LDAH: variants seen among roughly 807,000 people sequenced by gnomAD.
LDAH encodes the protein lipid droplet-associated hydrolase.
Under a neutral mutation model 29.6 loss-of-function variants are expected in LDAH, and 26 were observed. The ratio of observed to expected loss-of-function variants is 0.88; its 90% confidence interval spans 0.64 to 1.22. The LOEUF is 1.22. Among genes scored for constraint, LDAH ranks in the 50% most tolerant of loss-of-function variants. The probability of loss-of-function intolerance (pLI) is 0.00; values close to 1 mark genes in which losing one functional copy is unlikely to be tolerated. For missense variants in LDAH, 344 were observed against 387.3 expected, an observed-to-expected ratio of 0.89 and a Z score of 0.94; for synonymous variants, 117 against 133.0, an observed-to-expected ratio of 0.88 and a Z score of 0.83.
chr2:20,705,216 T>G (rs1368888253), intron 5 of LDAH, among the ~76,000 whole-genome samples: 1 of 152,256 alleles, frequency 6.6e-6, no homozygotes, highest in African/African-American at 2.4e-5. Flanking sequence ...CCCTCAAGTT[T>G]ATTATCTTCC....
chr2:20,772,963 G>C (rs1669536569), intron 4 of LDAH, among the ~76,000 whole-genome samples: 2 of 152,228 alleles, frequency 1.3e-5, no homozygotes, highest in African/African-American at 4.8e-5. Context: ...CCCTGAAGCA[G>C]AGAATCCAGC....
In LDAH at chr2:20,717,176, A is replaced by G. The variant is rs148010217; in HGVS notation, c.704-15524T>C. Among the ~76,000 whole-genome samples, 331 of 152,326 alleles carry G rather than the reference A, an allele frequency of 2.2e-3. 1 individual carries two copies. The highest frequency in any genetic ancestry group is 6.3e-3 in the African/African-American group (262 of 41,574). ...TTTCTAGAAGATAACATAGGAGAAT[A>G]TTTCATAACTTTGGGGTAGGAAAAG... On this transcript the variant is annotated intron_variant, in intron 5 of 6. Coordinates refer to ENST00000237822, the MANE Select transcript of LDAH (RefSeq NM_021925.4).
chr2:20,798,203 A>C (rs1671436061), intron 2 of LDAH, among the ~76,000 whole-genome samples: 1 of 152,196 alleles, frequency 6.6e-6, no homozygotes, highest in African/African-American at 2.4e-5. Flanking sequence ...ACTAGAAGAT[A>C]TGCTCTACCA....
chr2:20,752,981 A>G (rs1344280855), intron 4 of LDAH, among the ~76,000 whole-genome samples: 3 of 151,910 alleles, frequency 2.0e-5, no homozygotes, highest in South Asian at 2.1e-4. Flanking sequence ...CAACGACAAC[A>G]ACAACAACAA....
intron 3 of LDAH, chr2:20,789,364 C>T (rs1670784492): frequency 1.3e-6 from 2 of 1,501,558 alleles, no homozygotes; most frequent in Non-Finnish European, 1.8e-6. Flanking sequence ...AGTAGGTTTT[C>T]ATCAGACATC....
At chr2:20,778,573 C>T (rs566404662) in intron 3 of LDAH, among the ~76,000 whole-genome samples, 1 of 152,032 alleles carries the variant, frequency 6.6e-6, no homozygotes, top group South Asian at 2.1e-4. Flanking sequence ...ACTAATTGGC[C>T]CTTGGTATTA....
At chr2:20,773,782 G>A (rs1183622433) in intron 4 of LDAH, among the ~76,000 whole-genome samples, 2 of 152,176 alleles carry the variant, frequency 1.3e-5, no homozygotes, top group Non-Finnish European at 2.9e-5. Context: ...AGTGCTTAGT[G>A]AGCTCTGAGA....
intron 4 of LDAH, among the ~76,000 whole-genome samples, chr2:20,765,234 C>T (rs1668948475): frequency 6.6e-6 from 1 of 152,188 alleles, no homozygotes; most frequent in Non-Finnish European, 1.5e-5. Flanking sequence ...GGCTGTTCCT[C>T]TCAGCATATG....
intron 1 of LDAH, among the ~76,000 whole-genome samples, chr2:20,809,158 G>A (rs1258272987): frequency 2.0e-5 from 3 of 151,738 alleles, no homozygotes; most frequent in Non-Finnish European, 2.9e-5. Flanking sequence ...TTAGGAGGCC[G>A]AGGCAGGTGG....
At position 20,801,386 on chromosome 2, in the gene LDAH, T is replaced by C. The variant is rs1410347608; in HGVS notation, c.78A>G (p.Leu26=). ...AGAGGTCTGTCCAGGGCCCACATTT[T>C]AGAACCTGGGTTTCGGCTCCACCAC... is the stretch of plus-strand genomic sequence containing the variant. ...ILCGGAETQV[L]KCGPWTDLFH... is the part of the protein sequence containing the mutation. Residue 26 remains leucine, a synonymous_variant, in exon 2 of 7, where the codon CTA becomes CTG. Coordinates refer to ENST00000237822, the MANE Select transcript of LDAH (RefSeq NM_021925.4). The C allele has an allele frequency of 3.1e-6, 5 of 1,614,044 alleles. No homozygotes were observed. Among genetic ancestry groups the C allele is most frequent in the Non-Finnish European group, 4.2e-6 (5 of 1,180,014 alleles).
At chr2:20,738,864 T>C (rs898781015) in intron 5 of LDAH, among the ~76,000 whole-genome samples, 2 of 152,232 alleles carry the variant, frequency 1.3e-5, no homozygotes, top group African/African-American at 4.8e-5. Flanking sequence ...AGCTGCACAA[T>C]TGAACAGGCA....
At chr2:20,747,898 C>T (rs1271696715) in intron 4 of LDAH, among the ~76,000 whole-genome samples, 1 of 152,086 alleles carries the variant, frequency 6.6e-6, no homozygotes, top group Non-Finnish European at 1.5e-5. Flanking sequence ...CACAAAGTGA[C>T]AGAGATATGA....
At chr2:20,762,160 C>T (rs1029940583) in intron 4 of LDAH, among the ~76,000 whole-genome samples, 1 of 152,000 alleles carries the variant, frequency 6.6e-6, no homozygotes, top group African/African-American at 2.4e-5. Context: ...CATACTCTAC[C>T]TAACCTTGCC....
chr2:20,693,312 C>A (rs966994761), intron 6 of LDAH, among the ~76,000 whole-genome samples: 4 of 152,208 alleles, frequency 2.6e-5, no homozygotes, highest in Admixed American at 2.6e-4. Context: ...GAAAAAGAAT[C>A]CACATGACCT....
At chr2:20,728,487 C>T (rs1666170460) in intron 5 of LDAH, among the ~76,000 whole-genome samples, 1 of 152,084 alleles carries the variant, frequency 6.6e-6, no homozygotes, top group Admixed American at 6.5e-5. Context: ...GGAGTATAAA[C>T]TCTAGCAGAG....
intron 1 of LDAH, among the ~76,000 whole-genome samples, chr2:20,814,340 T>C (rs1169115061): frequency 1.3e-5 from 2 of 152,182 alleles, no homozygotes; most frequent in African/African-American, 4.8e-5. Context: ...CACTGAAAGT[T>C]ACCTGTTCTA....
chr2:20,810,483 T>C (rs1391378517), intron 1 of LDAH, among the ~76,000 whole-genome samples: 1 of 152,208 alleles, frequency 6.6e-6, no homozygotes, highest in Non-Finnish European at 1.5e-5. Context: ...GACTGTGACA[T>C]TTCTACTGAG....
At chr2:20,704,343 CTA>C (rs1452961766) in intron 5 of LDAH, among the ~76,000 whole-genome samples, 2 of 152,176 alleles carry the variant, frequency 1.3e-5, no homozygotes, top group Non-Finnish European at 2.9e-5. Flanking sequence ...CTATAAGACT[CTA>C]AGTCCCGGTT....
intron 5 of LDAH, among the ~76,000 whole-genome samples, chr2:20,725,988 C>T (rs962818605): frequency 6.6e-6 from 1 of 152,164 alleles, no homozygotes; most frequent in East Asian, 1.9e-4. Flanking sequence ...ACTGCCTATG[C>T]CTGGATTTCT....
Sources: allele counts gnomAD v4.1 joint callset (sites outside exome capture counted in the v4.1 genomes callset), GRCh38; gene constraint gnomAD v4.1.1; transcripts MANE v1.5; gene names NCBI Gene and HGNC (gene_info 2026-07-23, HGNC 2026-07-21).